The following ZNF469 variants were observed in gnomAD, a reference collection of about 807,000 sequenced individuals.
ZNF469 encodes the protein zinc finger protein 469.
A neutral mutation model predicts 1.0 loss-of-function variants in ZNF469; 1 was observed. The ratio of observed to expected loss-of-function variants is 1.00; its 90% CI spans 0.35 to 4.73. The LOEUF is 4.73. Among genes scored for constraint, ZNF469 ranks in the 30% most tolerant of loss-of-function variants. The probability of loss-of-function intolerance (pLI) is 0.16; values close to 1 mark genes in which losing one functional copy is unlikely to be tolerated. For synonymous variants in ZNF469, 2,703 were observed against 2,363.4 expected, an observed-to-expected ratio of 1.14 and a Z score of -4.17; for missense variants, 6,100 against 5,356.3, an observed-to-expected ratio of 1.14 and a Z score of -4.33.
chr16:88,244,696 GA>G, the ZNF469 span, among the ~76,000 whole-genome samples: 1 of 115,876 alleles, frequency 8.6e-6, no homozygotes, highest in African/African-American at 4.3e-5. Flanking sequence ...TTTATGGATG[GA>G]TAGATGAATT....
chr16:88,346,290 T>G, the ZNF469 span, among the ~76,000 whole-genome samples: 1 of 152,216 alleles, frequency 6.6e-6, no homozygotes, highest in Non-Finnish European at 1.5e-5. Flanking sequence ...GGAGAACCTC[T>G]GCTGACCACG....
chr16:88,248,176 C>T, the ZNF469 span, among the ~76,000 whole-genome samples: 1 of 152,202 alleles, frequency 6.6e-6, no homozygotes, highest in Non-Finnish European at 1.5e-5. Context: ...TAGAATTGGC[C>T]ATTTTTAAGG....
At chr16:88,217,015 C>G in the ZNF469 span, among the ~76,000 whole-genome samples, 2 of 152,120 alleles carry the variant, frequency 1.3e-5, no homozygotes, top group Admixed American at 1.3e-4. Context: ...GTTCTTGAAT[C>G]AAGGTTATTT....
chr16:88,313,103 G>C, the ZNF469 span, among the ~76,000 whole-genome samples: 1 of 151,588 alleles, frequency 6.6e-6, no homozygotes, highest in Admixed American at 6.6e-5. Flanking sequence ...CCCTTGATTC[G>C]GGCATTTTGA....
rs273585635 is a variant in ZNF469, at chr16:88,430,113, C to G, written c.2643C>G (p.Ser881=). Reference sequence around the variant, plus strand: ...CTTCCGGCCCCAGAGGTCCCAGCTCCGGACACCCCCTTAAGAGCAAGGCGG... The same window carrying G: ...CTTCCGGCCCCAGAGGTCCCAGCTCGGGACACCCCCTTAAGAGCAAGGCGG... ...EEPSGPRGPS[S]GHPLKSKAGV... The change falls in exon 3 of 3, where the codon TCC becomes TCG. Residue 881 remains serine (S), a synonymous_variant. Transcript: ENST00000565624. 1.3e-6 allele frequency: 2 copies of G among 1,549,790 alleles called. No individual in the cohort carries two copies. The highest frequency in any genetic ancestry group is 2.4e-5 in the South Asian group (2 of 84,066).
At chr16:88,306,719 G>A in the ZNF469 span, among the ~76,000 whole-genome samples, 1 of 152,114 alleles carries the variant, frequency 6.6e-6, no homozygotes. Context: ...CCAGCACCAG[G>A]GTCCTTGCTC....
the ZNF469 span, among the ~76,000 whole-genome samples, chr16:88,115,569 A>G: frequency 6.6e-6 from 1 of 151,698 alleles, no homozygotes; most frequent in South Asian, 2.1e-4. Context: ...TGGTGTGGAA[A>G]GAGAAAGGTG....
chr16:88,274,842 A>T, the ZNF469 span, among the ~76,000 whole-genome samples: 5 of 152,300 alleles, frequency 3.3e-5, no homozygotes, highest in South Asian at 1.0e-3. Context: ...CTTCTCATGG[A>T]CCTGACATGG....
chr16:88,109,958 G>C, the ZNF469 span, among the ~76,000 whole-genome samples: 1 of 152,242 alleles, frequency 6.6e-6, no homozygotes, highest in African/African-American at 2.4e-5. Context: ...GGCACAGGAG[G>C]AGTCAGGCTA....
At chr16:88,244,836 A>T in the ZNF469 span, among the ~76,000 whole-genome samples, 1 of 147,674 alleles carries the variant, frequency 6.8e-6, no homozygotes. Context: ...CATGGCTCAG[A>T]AAGTTTATGA....
chr16:88,174,476 G>GTCTGTCTGTCTATCTATCTA, the ZNF469 span, among the ~76,000 whole-genome samples: 11 of 101,644 alleles, frequency 1.1e-4, no homozygotes, highest in South Asian at 4.0e-3. Context: ...CTGTCTGTCT[G>GTCTGTCTGTCTATCTATCTA]TCTATCTATC....
chr16:88,359,015 C>T, the ZNF469 span, among the ~76,000 whole-genome samples: 1,467 of 152,294 alleles, frequency 9.6e-3, 23 homozygotes, highest in African/African-American at 0.034. Flanking sequence ...CTCACTTCTA[C>T]GGGGACTCCC....
chr16:88,380,572 C>G (rs565392685), upstream of ZNF469, among the ~76,000 whole-genome samples: 8 of 149,146 alleles, frequency 5.4e-5, no homozygotes, highest in Non-Finnish European at 1.0e-4. Context: ...CACAGACGCC[C>G]TCACACAGAC....
rs1905849120 is a variant in ZNF469 at position 88,428,329 on chromosome 16, C to T, written c.859C>T (p.Pro287Ser). The T allele has an allele frequency of 6.5e-7, 1 of 1,550,052 alleles. No individual in the cohort carries two copies. The highest frequency in any genetic ancestry group is 8.7e-7 in the Non-Finnish European group (1 of 1,146,944). The change falls in exon 3 of 3, where the codon CCC becomes TCC. Residue 287 changes from proline to serine, a missense_variant. By Grantham distance (74) the Pro-to-Ser change is moderately conservative. Coordinates refer to ENST00000565624, the MANE Select transcript of ZNF469 (RefSeq NM_001367624.2). ...FPALHGASTK[P>S]FPADVAGHAF... ...GGCACTGCATGGGGCCAGCACAAAA[C>T]CCTTCCCTGCGGATGTGGCTGGGCA... is the stretch of plus-strand genomic sequence containing the variant.
chr16:88,429,273 C>T lies in ZNF469; in HGVS notation c.1803C>T (p.Ala601=), dbSNP rs1026753071. 30 of 1,549,774 alleles carry T rather than the reference C, an allele frequency of 1.9e-5. No homozygotes were observed. The highest frequency in any genetic ancestry group is 1.6e-4 in the Admixed American group (8 of 50,988). ...SPLPSPATNT[A]GSTCSSLSPM... is the part of the protein sequence containing the mutation. ...TGCCGTCACCGGCCACCAACACGGC[C>T]GGCAGCACCTGCTCTTCCCTGTCGC... Residue 601 remains alanine (A), a synonymous_variant, in exon 3 of 3, where the codon GCC becomes GCT. Coordinates refer to ENST00000565624, the MANE Select transcript of ZNF469 (RefSeq NM_001367624.2).
chr16:88,362,234 A>C, the ZNF469 span, among the ~76,000 whole-genome samples: 17,140 of 152,200 alleles, frequency 0.11, 1,007 homozygotes, highest in Middle Eastern at 0.15. Context: ...AATGGTATAC[A>C]ATTGTAAGAT....
At chr16:88,354,728 C>G in the ZNF469 span, among the ~76,000 whole-genome samples, 1 of 152,184 alleles carries the variant, frequency 6.6e-6, no homozygotes, top group Non-Finnish European at 1.5e-5. Flanking sequence ...AAGCAGTCTC[C>G]CAAGCGGACC....
chr16:88,170,166 G>A, the ZNF469 span, among the ~76,000 whole-genome samples: 1 of 152,078 alleles, frequency 6.6e-6, no homozygotes, highest in South Asian at 2.1e-4. The surrounding 1 kb of genome is among the most constrained non-coding windows in gnomAD (Gnocchi z 4.2). Flanking sequence ...AGGTATATTC[G>A]ACAAATGGAA....
Position 88,383,108 on chromosome 16 carries a change from C to T in ZNF469, c.-338C>T, listed in dbSNP as rs529920764. 6.7e-6 allele frequency among the ~76,000 whole-genome samples: 1 copy of T among 149,800 alleles called. No homozygotes were observed. The highest frequency in any genetic ancestry group is 2.4e-5 in the African/African-American group (1 of 41,188). On this transcript the variant is annotated 5_prime_UTR_variant, in exon 1 of 3. Transcript: ENST00000565624. ...CCCCGAGGCGCAGCGCGCGGCAGAGCGGCTCGGTGCCCGGCGGGCGGGCGG... is the reference window on the plus strand; with the variant it reads ...CCCCGAGGCGCAGCGCGCGGCAGAGTGGCTCGGTGCCCGGCGGGCGGGCGG...
Sources: allele counts gnomAD v4.1 joint callset (sites outside exome capture counted in the v4.1 genomes callset), GRCh38; gene constraint gnomAD v4.1.1; non-coding constraint Gnocchi (gnomAD v3.1); transcripts MANE v1.5; gene names NCBI Gene and HGNC (gene_info 2026-07-23, HGNC 2026-07-21).